The following KLC1 variants were observed in gnomAD, a reference collection of about 807,000 sequenced individuals.
The protein encoded by KLC1 is kinesin 2 60/70kDa.
Under a neutral mutation model 84.2 loss-of-function variants are expected in KLC1, and 30 were observed. The observed-to-expected ratio is 0.36, with a 90% CI of 0.27 to 0.48. The LOEUF (loss-of-function observed/expected upper bound fraction) is 0.48. Among genes scored for constraint, KLC1 ranks in the 20% least tolerant of loss-of-function variants. The probability of loss-of-function intolerance (pLI) is 0.99; values close to 1 mark genes in which losing one functional copy is unlikely to be tolerated. For synonymous variants in KLC1, 289 were observed against 293.3 expected, an observed-to-expected ratio of 0.99 and a Z score of 0.15; for missense variants, 499 against 805.4, an observed-to-expected ratio of 0.62 and a Z score of 4.60.
chr14:103,640,652 G>T (rs985366778), intron 1 of KLC1, among the ~76,000 whole-genome samples: 4 of 152,020 alleles, frequency 2.6e-5, no homozygotes, highest in Non-Finnish European at 5.9e-5. Context: ...GAGCCACCGC[G>T]CCCGGCCCTG....
At chr14:103,691,334 A>G (rs1361209755) in intron 14 of KLC1, among the ~76,000 whole-genome samples, 1 of 148,168 alleles carries the variant, frequency 6.7e-6, no homozygotes, top group Non-Finnish European at 1.5e-5. Flanking sequence ...AATTTTTTGC[A>G]TTTTTAGTAG....
At chr14:103,632,323 G>A (rs1400608174) in intron 1 of KLC1, among the ~76,000 whole-genome samples, 3 of 152,034 alleles carry the variant, frequency 2.0e-5, no homozygotes, top group Non-Finnish European at 4.4e-5. Flanking sequence ...CTACTCATGA[G>A]GCTGAGGAAG....
chr14:103,643,144 G>C (rs1391085563), intron 1 of KLC1, among the ~76,000 whole-genome samples: 3 of 152,140 alleles, frequency 2.0e-5, no homozygotes, highest in African/African-American at 7.2e-5. Context: ...AGTCCATATT[G>C]ATATAAATAA....
At chr14:103,680,599 T>G (rs1182269405) in intron 13 of KLC1, among the ~76,000 whole-genome samples, 2 of 152,216 alleles carry the variant, frequency 1.3e-5, no homozygotes, top group Admixed American at 1.3e-4. Flanking sequence ...ATCTGGCAGC[T>G]TTCTTGCTTT....
chr14:103,695,234 C>T (rs773331634), intron 15 of KLC1: 254 of 732,680 alleles, frequency 3.5e-4, no homozygotes, highest in Non-Finnish European at 4.0e-4. Flanking sequence ...GAGGCTGAGG[C>T]GGGAGGATCA....
intron 3 of KLC1, among the ~76,000 whole-genome samples, chr14:103,661,123 C>T (rs151051176): frequency 1.3e-5 from 2 of 152,222 alleles, no homozygotes; most frequent in Non-Finnish European, 2.9e-5. Context: ...GGCGTCTTTC[C>T]CTAGGGTGAG....
chr14:103,692,837 A>C (rs1038382926), intron 15 of KLC1, among the ~76,000 whole-genome samples: 1 of 152,246 alleles, frequency 6.6e-6, no homozygotes, highest in Admixed American at 6.5e-5. Flanking sequence ...GAAGTATTCA[A>C]AACTCTGTTA....
intron 1 of KLC1, among the ~76,000 whole-genome samples, chr14:103,630,149 AG>A (rs1486184612): frequency 6.6e-6 from 1 of 152,208 alleles, no homozygotes; most frequent in Non-Finnish European, 1.5e-5. Context: ...CTGTTCACCT[AG>A]GCTGGCGTTG....
intron 1 of KLC1, among the ~76,000 whole-genome samples, chr14:103,644,383 C>T (rs560735620): frequency 4.1e-4 from 62 of 151,720 alleles, no homozygotes; most frequent in South Asian, 1.7e-3. Flanking sequence ...CTCAGCTTCC[C>T]GAGTAGCTGG....
rs779078635 is a variant in KLC1 at position 103,670,189 on chromosome 14, C to T, written c.893C>T (p.Ala298Val). ...TLGKDHPAVA[A>V]TLNNLAVLYG... ...TTCTCTCTGTGTTGACAGGTGGCGG[C>T]GACTTTGAATAACCTTGCAGTCCTT... is the stretch of plus-strand genomic sequence containing the variant. Residue 298 changes from alanine to valine, a missense_variant, in exon 7 of 17, where the codon GCG (alanine) becomes GTG (valine). By Grantham distance (64) the Ala-to-Val change is moderately conservative. Coordinates refer to ENST00000334553, the MANE Select transcript of KLC1 (RefSeq NM_001394837.1). 3.7e-6 allele frequency: 6 copies of T among 1,610,484 alleles called. No individual in the cohort carries two copies. Among genetic ancestry groups the T allele is most frequent in the Non-Finnish European group, 1.7e-6 (2 of 1,177,838 alleles).
At chr14:103,698,471 G>A in intron 15 of KLC1, 1 of 391,768 alleles carries the variant, frequency 2.6e-6, no homozygotes, top group Non-Finnish European at 4.8e-6. Context: ...AGAAGAAGCA[G>A]GCGGCTCCCA....
At chr14:103,680,019 C>CTTG (rs1295621255) in intron 13 of KLC1, among the ~76,000 whole-genome samples, 1 of 152,210 alleles carries the variant, frequency 6.6e-6, no homozygotes, top group Non-Finnish European at 1.5e-5. Flanking sequence ...GAAACAAGAG[C>CTTG]TTACATGGCT....
intron 1 of KLC1, among the ~76,000 whole-genome samples, chr14:103,653,877 G>C (rs2078651084): frequency 1.3e-5 from 2 of 152,182 alleles, no homozygotes. Context: ...CGGCTGTCAG[G>C]CACAACAGCA....
intron 7 of KLC1, among the ~76,000 whole-genome samples, chr14:103,671,796 T>C (rs922020444): frequency 1.8e-4 from 28 of 152,336 alleles, no homozygotes; most frequent in African/African-American, 6.7e-4. Context: ...TATCAAATTA[T>C]ACAGGTAATA....
chr14:103,670,493 C>A (rs574505971), intron 7 of KLC1, among the ~76,000 whole-genome samples: 1 of 151,876 alleles, frequency 6.6e-6, no homozygotes, highest in Admixed American at 6.6e-5. Flanking sequence ...CACACCACCA[C>A]GTCCACCTAA....
chr14:103,665,625 C>T (rs1372418223), intron 5 of KLC1, among the ~76,000 whole-genome samples: 2 of 151,806 alleles, frequency 1.3e-5, no homozygotes, highest in Non-Finnish European at 2.9e-5. Context: ...TTAGTAGAGA[C>T]AGTGTTTTGT....
Position 103,701,337 on chromosome 14 carries a change from AG to A in KLC1, c.*140del. 1.1e-6 allele frequency: 1 copy of A among 912,598 alleles called. No individual in the cohort carries two copies. 56.5% of individuals were successfully genotyped at this position (912,598 alleles called of 1,614,324 possible). A position where few individuals can be genotyped will look rare whatever the true frequency, so the allele number is the denominator to read the frequency against. On this transcript the variant is annotated 3_prime_UTR_variant, in exon 17 of 17. Coordinates refer to ENST00000334553, the MANE Select transcript of KLC1 (RefSeq NM_001394837.1). ...TCATTTCTCCTGCGTCTGTGTGCAT[AG>A]GACATGATACTAATAACCACACGGC...
At chr14:103,640,340 A>G (rs555559058) in intron 1 of KLC1, among the ~76,000 whole-genome samples, 14 of 151,250 alleles carry the variant, frequency 9.3e-5, no homozygotes, top group African/African-American at 2.4e-4. Flanking sequence ...GATTACAGGC[A>G]TGAGCCACTG....
rs144715100 is a variant in KLC1 at position 103,643,887 on chromosome 14, T to C, written c.-1-10677T>C. ...AGGTTGCCTGGCCCGAAGGCATTTG[T>C]TTAATTTCCTTTTGCTTCCAATGTG... On this transcript the variant is annotated intron_variant, in intron 1 of 16. Coordinates refer to ENST00000334553, the MANE Select transcript of KLC1 (RefSeq NM_001394837.1). Among the ~76,000 whole-genome samples, 1,112 of 151,504 alleles carry C rather than the reference T, an allele frequency of 7.3e-3. 4 individuals are homozygous for C. The highest frequency in any genetic ancestry group is 0.013 in the Non-Finnish European group (855 of 67,872).
Sources: allele counts gnomAD v4.1 joint callset (sites outside exome capture counted in the v4.1 genomes callset), GRCh38; gene constraint gnomAD v4.1.1; transcripts MANE v1.5; gene names NCBI Gene and HGNC (gene_info 2026-07-23, HGNC 2026-07-21).